FLRT2: variants seen among roughly 807,000 people sequenced by gnomAD.
The protein encoded by FLRT2 is leucine-rich repeat transmembrane protein FLRT2.
In FLRT2, 15 loss-of-function variants were observed where a neutral mutation model predicts 40.0. The ratio of observed to expected loss-of-function variants is 0.38; its 90% CI spans 0.25 to 0.58. The LOEUF (loss-of-function observed/expected upper bound fraction) is 0.58. FLRT2 is among the 20% of genes least tolerant of loss of function. The pLI is 0.71. For synonymous variants in FLRT2, 380 were observed against 336.8 expected (o/e 1.13, Z -1.41); for missense variants, 726 against 840.0 (o/e 0.86, Z 1.68).
At position 85,645,127 on chromosome 14, in the gene FLRT2, C is replaced by T. The variant is rs930907699; in HGVS notation, c.*21630C>T. On this transcript the variant is annotated 3_prime_UTR_variant, in exon 2 of 2. Transcript: ENST00000330753. ...AAAGTTGAGCTTGGGCAGCAGAACTCCTACATCAAGTAAAAAGTATATATA... is the reference window on the plus strand; with the variant it reads ...AAAGTTGAGCTTGGGCAGCAGAACTTCTACATCAAGTAAAAAGTATATATA... 1 of 151,216 alleles carries T rather than the reference C, an allele frequency of 6.6e-6. No individual in the cohort carries two copies. The highest frequency in any genetic ancestry group is 1.5e-5 in the Non-Finnish European group (1 of 67,886). 9.4% of individuals were successfully genotyped at this position (151,216 alleles called of 1,614,324 possible).
chr14:85,583,244 C>T (rs182029673), intron 1 of FLRT2, among the ~76,000 whole-genome samples: 3 of 152,198 alleles, frequency 2.0e-5, no homozygotes, highest in Non-Finnish European at 4.4e-5. Flanking sequence ...TAATGTCCAC[C>T]TTCATTTTGT....
At chr14:85,543,298 T>C (rs1357821522) in intron 1 of FLRT2, among the ~76,000 whole-genome samples, 11 of 152,160 alleles carry the variant, frequency 7.2e-5, no homozygotes, top group Admixed American at 7.2e-4. Context: ...GTGCTTTTTA[T>C]AGTTGTCTGA....
At position 85,558,259 on chromosome 14, in the gene FLRT2, G is replaced by A. The variant is rs186550191; in HGVS notation, c.-377+27725G>A. 2.6e-3 allele frequency among the ~76,000 whole-genome samples: 393 copies of A among 152,116 alleles called. 4 individuals are homozygous for A. The highest frequency in any genetic ancestry group is 6.8e-3 in the Middle Eastern group (2 of 292). On this transcript the variant is annotated intron_variant, in intron 1 of 1. Transcript: ENST00000330753. ...AGAGGCAAAGGGCTCTCATATGCCC[G>A]TAGAATTATATAGTCAGGCTTTTCA...
In FLRT2 at chr14:85,638,952, G is replaced by A. The variant is rs1331256472; in HGVS notation, c.*15455G>A. ...AAAGTTAGCTAATAATCAATTCTTTGAACGAAGCCCAGTGAAACCAAGTTT... is the reference window on the plus strand; with the variant it reads ...AAAGTTAGCTAATAATCAATTCTTTAAACGAAGCCCAGTGAAACCAAGTTT... On this transcript the variant is annotated 3_prime_UTR_variant, in exon 2 of 2. Transcript: ENST00000330753. 1.3e-5 allele frequency: 2 copies of A among 152,150 alleles called. No homozygotes were observed. The highest frequency in any genetic ancestry group is 2.9e-5 in the Non-Finnish European group (2 of 68,030). The allele number at this position is 152,150 out of a possible 1,614,324, so 9.4% of individuals were successfully genotyped here.
At chr14:85,610,941 G>C (rs1368295842) in intron 1 of FLRT2, among the ~76,000 whole-genome samples, 1 of 152,064 alleles carries the variant, frequency 6.6e-6, no homozygotes, top group Non-Finnish European at 1.5e-5. Context: ...TGTTGCCCAG[G>C]CTGGAGTGCA....
chr14:85,639,851 C>CTTTTTTTTTTTT lies in FLRT2; in HGVS notation c.*16358_*16369dup, dbSNP rs869148428. The CTTTTTTTTTTTT allele has an allele frequency of 1.7e-5, 2 of 119,250 alleles. No homozygotes were observed. The highest frequency in any genetic ancestry group is 3.4e-5 in the African/African-American group (1 of 29,556). 7.4% of individuals were successfully genotyped at this position (119,250 alleles called of 1,614,324 possible). On this transcript the variant is annotated 3_prime_UTR_variant, in exon 2 of 2. Coordinates refer to ENST00000330753, the MANE Select transcript of FLRT2 (RefSeq NM_013231.6). ...GAAATTCTTTATTTTTTTTTTTTTC[C>CTTTTTTTTTTTT]TTTTTTTTTTTTTTTGAGACAGTGT...
chr14:85,636,233 G>C lies in FLRT2; in HGVS notation c.*12736G>C, dbSNP rs1177327275. Reference sequence around the variant, plus strand: ...TTAAATATTATGCTACCTCTATAAAGGACCAAAATAGTATTTTTAAAAGAA... The same window carrying C: ...TTAAATATTATGCTACCTCTATAAACGACCAAAATAGTATTTTTAAAAGAA... On this transcript the variant is annotated 3_prime_UTR_variant, in exon 2 of 2. Transcript: ENST00000330753. The C allele has an allele frequency of 6.6e-6, 1 of 151,508 alleles. No homozygotes were observed. Among genetic ancestry groups the C allele is most frequent in the East Asian group, 1.9e-4 (1 of 5,164 alleles). 9.4% of individuals were successfully genotyped at this position (151,508 alleles called of 1,614,324 possible). A position where few individuals can be genotyped will look rare whatever the true frequency, so the allele number is the denominator to read the frequency against.
chr14:85,593,827 A>G (rs1892013027), intron 1 of FLRT2, among the ~76,000 whole-genome samples: 1 of 152,152 alleles, frequency 6.6e-6, no homozygotes, highest in Non-Finnish European at 1.5e-5. Flanking sequence ...GGATCACTTG[A>G]GGTCAGGAGG....
chr14:85,643,232 T>C lies in FLRT2; in HGVS notation c.*19735T>C, dbSNP rs1894193868. ...ATAGGAACATTGGAGTAACCCATCA[T>C]ATGATTCACTTTAATGTCTAAAAAC... On this transcript the variant is annotated 3_prime_UTR_variant, in exon 2 of 2. Transcript: ENST00000330753. 6.6e-6 allele frequency: 1 copy of C among 152,200 alleles called. No individual in the cohort carries two copies. Among genetic ancestry groups the C allele is most frequent in the Admixed American group, 6.5e-5 (1 of 15,272 alleles). 9.4% of individuals were successfully genotyped at this position (152,200 alleles called of 1,614,324 possible).
intron 1 of FLRT2, among the ~76,000 whole-genome samples, chr14:85,590,104 T>C (rs1716638355): frequency 6.6e-6 from 1 of 152,026 alleles, no homozygotes; most frequent in Non-Finnish European, 1.5e-5. Flanking sequence ...TTTGAGCTCT[T>C]TGTTGTAGGA....
At position 85,621,849 on chromosome 14, in the gene FLRT2, G is replaced by C; in HGVS notation, c.335G>C (p.Arg112Thr). The part of the protein sequence containing the change: ...EFPMNLPKNV[R>T]VLHLQENNIQ... ...CCCATGAACCTTCCCAAGAATGTCA[G>C]AGTTCTCCATTTGCAGGAAAACAAT... Residue 112 changes from arginine to threonine, a missense_variant, in exon 2 of 2, where the codon AGA (arginine) becomes ACA (threonine). Arg to Thr is a moderately conservative substitution (Grantham distance 71, BLOSUM62 -1). Around this residue, in one of 3 missense-constraint regions of FLRT2, gnomAD observed 9 missense variants for 28.8 expected, o/e 0.31. Coordinates refer to ENST00000330753, the MANE Select transcript of FLRT2 (RefSeq NM_013231.6). The C allele has an allele frequency of 1.2e-6, 2 of 1,614,064 alleles. No homozygotes were observed. The highest frequency in any genetic ancestry group is 1.7e-4 in the Middle Eastern group (1 of 6,060).
At chr14:85,595,734 C>T (rs1892111767) in intron 1 of FLRT2, among the ~76,000 whole-genome samples, 1 of 152,072 alleles carries the variant, frequency 6.6e-6, no homozygotes, top group South Asian at 2.1e-4. Context: ...CTTTGAAGCC[C>T]TGATACAGAA....
At chr14:85,612,194 A>G (rs563603585) in intron 1 of FLRT2, among the ~76,000 whole-genome samples, 2 of 152,188 alleles carry the variant, frequency 1.3e-5, no homozygotes, top group South Asian at 2.1e-4. Flanking sequence ...TAGCACTACA[A>G]AAATATGAGC....
rs955771535 is a variant in FLRT2, at chr14:85,643,124, T to C, written c.*19627T>C. The stretch of plus-strand genomic sequence containing the variant: ...GATTAATTGCCTCCCAAAGGCCTCA[T>C]CTTCAAACACTATTCCACTCGGGGC... On this transcript the variant is annotated 3_prime_UTR_variant, in exon 2 of 2. Coordinates refer to ENST00000330753, the MANE Select transcript of FLRT2 (RefSeq NM_013231.6). 2.0e-5 allele frequency: 3 copies of C among 152,090 alleles called. No individual in the cohort carries two copies. Among genetic ancestry groups the C allele is most frequent in the African/African-American group, 7.2e-5 (3 of 41,384 alleles). The allele number at this position is 152,090 out of a possible 1,614,324, so 9.4% of individuals were successfully genotyped here.
chr14:85,581,012 T>A (rs1342202703), intron 1 of FLRT2, among the ~76,000 whole-genome samples: 1 of 152,188 alleles, frequency 6.6e-6, no homozygotes, highest in East Asian at 1.9e-4. Context: ...TTTTATATAT[T>A]AGCTGGCCTT....
Position 85,647,928 on chromosome 14 carries a change from G to A in FLRT2, c.*24431G>A, listed in dbSNP as rs1011267281. On this transcript the variant is annotated 3_prime_UTR_variant, in exon 2 of 2. Coordinates refer to ENST00000330753, the MANE Select transcript of FLRT2 (RefSeq NM_013231.6). ...ATAAACAACTGTGATCTTATGGCCAGTTGCAGAGTAAGAAATTAATAACTA... is the reference window on the plus strand; with the variant it reads ...ATAAACAACTGTGATCTTATGGCCAATTGCAGAGTAAGAAATTAATAACTA... 2.0e-5 allele frequency: 3 copies of A among 152,168 alleles called. No individual in the cohort carries two copies. The highest frequency in any genetic ancestry group is 7.2e-5 in the African/African-American group (3 of 41,426). 9.4% of individuals were successfully genotyped at this position (152,168 alleles called of 1,614,324 possible).
chr14:85,545,569 T>A (rs1889233786), intron 1 of FLRT2, among the ~76,000 whole-genome samples: 2 of 152,224 alleles, frequency 1.3e-5, no homozygotes, highest in African/African-American at 4.8e-5. Context: ...TCTATATTTG[T>A]CTTTTCGAGT....
intron 1 of FLRT2, among the ~76,000 whole-genome samples, chr14:85,539,836 G>A (rs1888881287): frequency 6.6e-6 from 1 of 152,196 alleles, no homozygotes; most frequent in African/African-American, 2.4e-5. Context: ...ACAGAGTCCT[G>A]CCTTTCAGGA....
chr14:85,611,850 A>C (rs1892877930), intron 1 of FLRT2, among the ~76,000 whole-genome samples: 1 of 151,868 alleles, frequency 6.6e-6, no homozygotes, highest in African/African-American at 2.4e-5. Flanking sequence ...GGTTGAGTCA[A>C]GGATGAAAAG....
Sources: gnomAD v4.1 joint callset for allele counts (sites outside exome capture counted in the v4.1 genomes callset) on GRCh38, gnomAD v4.1.1 for gene constraint, gnomAD v4.1.1 regional missense constraint, MANE v1.5 for transcripts, NCBI Gene and HGNC (gene_info 2026-07-23, HGNC 2026-07-21) for gene names.